Variants in NHS observed in about 807,000 individuals in gnomAD.
The protein encoded by NHS is NHS actin remodeling regulator, also known as actin remodeling regulator NHS.
In NHS, 5 loss-of-function variants were observed where a neutral mutation model predicts 72.5. That is an observed-to-expected ratio of 0.07 (90% CI 0.04 to 0.14). The LOEUF (loss-of-function observed/expected upper bound fraction) is 0.14. NHS is among the 10% of genes least tolerant of loss of function. The pLI is 1.00. For synonymous variants in NHS, 464 were observed against 547.7 expected, an observed-to-expected ratio of 0.85 and a Z score of 2.13; for missense variants, 1,072 against 1,355.7, an observed-to-expected ratio of 0.79 and a Z score of 3.29.
chrX:17,633,968 G>A (rs944103198), intron 1 of NHS, among the ~76,000 whole-genome samples: 3 of 111,656 alleles, frequency 2.7e-5, no homozygotes, highest in African/African-American at 9.8e-5. Flanking sequence ...TCCCTGTAAA[G>A]CCCAGGGCCA....
At chrX:17,507,704 A>G (rs2065065825) in intron 1 of NHS, among the ~76,000 whole-genome samples, 1 of 112,362 alleles carries the variant, frequency 8.9e-6, no homozygotes, top group Non-Finnish European at 1.9e-5. Flanking sequence ...CATATTGCCC[A>G]AGACATAGAC....
In NHS at chrX:17,399,164, C is replaced by T. The variant is rs1051132352; in HGVS notation, c.565+22842C>T. Among the ~76,000 whole-genome samples, 5 of 109,485 alleles carry T rather than the reference C, an allele frequency of 4.6e-5. No individual in the cohort carries two copies. The Admixed American group carries it at 4.9e-4, about 11-fold the overall frequency. ...TTGCCCAGGCCGGAGTGCAGTGGTACTATCTCAGCTTACTGCGACCTCCAC... is the reference window on the plus strand; with the variant it reads ...TTGCCCAGGCCGGAGTGCAGTGGTATTATCTCAGCTTACTGCGACCTCCAC... On this transcript the variant is annotated intron_variant, in intron 1 of 8. Transcript: ENST00000676302.
intron 1 of NHS, among the ~76,000 whole-genome samples, chrX:17,495,997 C>T (rs2065010689): frequency 9.0e-6 from 1 of 111,161 alleles, no homozygotes; most frequent in Non-Finnish European, 1.9e-5. Context: ...GGTGAGCCAG[C>T]CTGGAGGGAG....
intron 1 of NHS, among the ~76,000 whole-genome samples, chrX:17,411,232 CAAT>C (rs775685756): frequency 1.8e-5 from 2 of 112,131 alleles, no homozygotes; most frequent in African/African-American, 6.5e-5. Flanking sequence ...GAAATCTTGT[CAAT>C]AAAATGAAGC....
chrX:17,655,031 G>A (rs2065946078), intron 1 of NHS, among the ~76,000 whole-genome samples: 1 of 112,282 alleles, frequency 8.9e-6, no homozygotes, highest in South Asian at 3.7e-4. Flanking sequence ...TTCAGCCTGG[G>A]CAGGGTGAGA....
intron 1 of NHS, among the ~76,000 whole-genome samples, chrX:17,543,758 G>A (rs1302600269): frequency 9.0e-6 from 1 of 111,729 alleles, no homozygotes; most frequent in East Asian, 2.8e-4. Context: ...ACATCTTCCT[G>A]TGTCAGTGCT....
At chrX:17,404,467 TC>T (rs1265049323) in intron 1 of NHS, among the ~76,000 whole-genome samples, 2 of 111,755 alleles carry the variant, frequency 1.8e-5, no homozygotes, top group African/African-American at 6.5e-5. Context: ...TGCCTTATTC[TC>T]CCCTAATCCA....
At chrX:17,693,735 C>T (rs926436709) in intron 3 of NHS, among the ~76,000 whole-genome samples, 1 of 112,767 alleles carries the variant, frequency 8.9e-6, no homozygotes, top group East Asian at 2.8e-4. Flanking sequence ...CACTGAGCGC[C>T]GTGTTGCACT....
At chrX:17,517,918 A>C (rs960358360) in intron 1 of NHS, among the ~76,000 whole-genome samples, 2 of 111,975 alleles carry the variant, frequency 1.8e-5, no homozygotes, top group Non-Finnish European at 3.8e-5. Context: ...GGTGTGTCTC[A>C]TCCATATTCC....
intron 1 of NHS, among the ~76,000 whole-genome samples, chrX:17,607,887 A>G (rs1000527470): frequency 2.8e-5 from 3 of 107,142 alleles, no homozygotes; most frequent in Non-Finnish European, 3.9e-5. Context: ...AGCCTGATCC[A>G]GGTTTCGTTT....
intron 1 of NHS, among the ~76,000 whole-genome samples, chrX:17,593,753 A>G (rs762225619): frequency 9.0e-6 from 1 of 111,374 alleles, no homozygotes; most frequent in East Asian, 2.8e-4. Flanking sequence ...TTACATGTCT[A>G]TGTCTATGTC....
chrX:17,421,310 A>T (rs1424643344), intron 1 of NHS, among the ~76,000 whole-genome samples: 2 of 109,380 alleles, frequency 1.8e-5, no homozygotes, highest in African/African-American at 6.6e-5. Flanking sequence ...TCAGACCTGG[A>T]TTTAATTTCA....
At position 17,533,044 on chromosome X, in the gene NHS, G is replaced by A. The variant is rs757473930; in HGVS notation, c.566-154698G>A. The stretch of plus-strand genomic sequence containing the variant: ...AGAGCAGGGCCTACCAAAGACCTAC[G>A]TGGATTTTTCTATAATGAACAACAA... On this transcript the variant is annotated intron_variant, in intron 1 of 8. Coordinates refer to ENST00000676302, the MANE Select transcript of NHS (RefSeq NM_001291867.2). 2.3e-4 allele frequency among the ~76,000 whole-genome samples: 26 copies of A among 111,850 alleles called. No individual in the cohort carries two copies. The East Asian group carries it at 4.8e-3, about 21-fold the overall frequency.
At chrX:17,448,425 A>C (rs1230549091) in intron 1 of NHS, among the ~76,000 whole-genome samples, 3 of 111,944 alleles carry the variant, frequency 2.7e-5, no homozygotes, top group Non-Finnish European at 5.6e-5. Context: ...ATTTGCTCTA[A>C]TGAGAATTCG....
chrX:17,474,661 C>G (rs1239966840), intron 1 of NHS, among the ~76,000 whole-genome samples: 1 of 112,009 alleles, frequency 8.9e-6, no homozygotes, highest in African/African-American at 3.2e-5. Context: ...TTCCAAATGA[C>G]CAGTCTTTGG....
chrX:17,412,661 T>C (rs774631671), intron 1 of NHS, among the ~76,000 whole-genome samples: 1 of 112,420 alleles, frequency 8.9e-6, no homozygotes, highest in Non-Finnish European at 1.9e-5. Flanking sequence ...CAAAAGTTCC[T>C]TTTAACTGAA....
At chrX:17,574,032 T>A (rs1233171398) in intron 1 of NHS, among the ~76,000 whole-genome samples, 1 of 111,548 alleles carries the variant, frequency 9.0e-6, no homozygotes, top group Non-Finnish European at 1.9e-5. Context: ...TAAATACTGC[T>A]GCCCGATCCT....
chrX:17,380,595 C>G (rs2064372793), intron 1 of NHS, among the ~76,000 whole-genome samples: 1 of 111,449 alleles, frequency 9.0e-6, no homozygotes, highest in African/African-American at 3.3e-5. Flanking sequence ...TGAAGCAGTC[C>G]TCACGCCTCC....
chrX:17,413,865 G>A (rs1023747627), intron 1 of NHS, among the ~76,000 whole-genome samples: 22 of 112,414 alleles, frequency 2.0e-4, no homozygotes, highest in South Asian at 3.7e-4. Flanking sequence ...TTCCTTATAA[G>A]AGGAAGGCAA....
Sources: allele counts gnomAD v4.1 joint callset (sites outside exome capture counted in the v4.1 genomes callset), GRCh38; gene constraint gnomAD v4.1.1; transcripts MANE v1.5; gene names NCBI Gene and HGNC (gene_info 2026-07-23, HGNC 2026-07-21).